The following NRXN3 variants were observed in gnomAD, a reference collection of about 807,000 sequenced individuals.
NRXN3 encodes neurexin III.
A neutral mutation model predicts 137.6 loss-of-function variants in NRXN3; 32 were observed. The observed-to-expected ratio is 0.23, with a 90% CI of 0.18 to 0.31. The LOEUF (loss-of-function observed/expected upper bound fraction) is 0.31, where lower values mean the gene tolerates loss of function less well. NRXN3 is among the 10% of genes least tolerant of loss of function. The pLI is 1.00. For missense variants in NRXN3, 1,574 were observed against 2,062.5 expected, an observed-to-expected ratio of 0.76 and a Z score of 4.59; for synonymous variants, 798 against 784.5, an observed-to-expected ratio of 1.02 and a Z score of -0.29.
intron 16 of NRXN3, among the ~76,000 whole-genome samples, chr14:79,497,039 A>G (rs561756292): frequency 2.4e-4 from 36 of 152,354 alleles, no homozygotes; most frequent in South Asian, 1.7e-3. Context: ...GGAAGACTAC[A>G]GTAACTTTTC....
chr14:78,333,845 T>C (rs214001), intron 4 of NRXN3, among the ~76,000 whole-genome samples: 1,575 of 151,938 alleles, frequency 0.01, 27 homozygotes, highest in African/African-American at 0.036. Context: ...ATTTTAATAG[T>C]ATCCCTCTGG....
At chr14:79,294,876 A>T (rs1412181599) in intron 15 of NRXN3, among the ~76,000 whole-genome samples, 1 of 152,010 alleles carries the variant, frequency 6.6e-6, no homozygotes, top group African/African-American at 2.4e-5. Flanking sequence ...TGATACTTAG[A>T]TCTATCCTTT....
intron 15 of NRXN3, among the ~76,000 whole-genome samples, chr14:79,006,913 T>G (rs1444845401): frequency 6.6e-6 from 1 of 152,194 alleles, no homozygotes; most frequent in African/African-American, 2.4e-5. Context: ...TCTAGCTAAA[T>G]GAAGTACTAC....
intron 15 of NRXN3, among the ~76,000 whole-genome samples, chr14:79,454,479 G>C (rs963907115): frequency 6.6e-6 from 1 of 152,150 alleles, no homozygotes; most frequent in Non-Finnish European, 1.5e-5. Flanking sequence ...GCCTCCCAAA[G>C]TGCTGGGAAT....
intron 15 of NRXN3, among the ~76,000 whole-genome samples, chr14:79,296,820 T>C (rs766083671): frequency 3.9e-5 from 6 of 152,190 alleles, no homozygotes; most frequent in Non-Finnish European, 8.8e-5. Flanking sequence ...AGCAAATAAA[T>C]AAATAAATTA....
chr14:78,882,117 T>G (rs1427695175), intron 10 of NRXN3, among the ~76,000 whole-genome samples: 2 of 151,904 alleles, frequency 1.3e-5, no homozygotes, highest in Non-Finnish European at 2.9e-5. Flanking sequence ...GAATTGAGTT[T>G]GGTGAACTTC....
At chr14:78,623,792 T>C (rs576658083) in intron 4 of NRXN3, among the ~76,000 whole-genome samples, 2 of 152,248 alleles carry the variant, frequency 1.3e-5, no homozygotes, top group Admixed American at 6.5e-5. Flanking sequence ...GGTCTAAAAC[T>C]CCTGACCTCA....
At chr14:78,382,045 A>C (rs975592339) in intron 4 of NRXN3, among the ~76,000 whole-genome samples, 1 of 152,146 alleles carries the variant, frequency 6.6e-6, no homozygotes, top group Admixed American at 6.5e-5. Context: ...ATATTGTACT[A>C]TAGGTTTCAC....
intron 4 of NRXN3, among the ~76,000 whole-genome samples, chr14:78,480,937 C>A (rs2095462314): frequency 6.6e-6 from 1 of 152,158 alleles, no homozygotes; most frequent in Non-Finnish European, 1.5e-5. Context: ...AGTCCATGTT[C>A]CATCTTTCCT....
chr14:79,770,358 G>A (rs2099073166), intron 19 of NRXN3, among the ~76,000 whole-genome samples: 1 of 150,226 alleles, frequency 6.7e-6, no homozygotes, highest in Admixed American at 6.7e-5. Flanking sequence ...TTCCAAAATT[G>A]ACCACATACT....
In NRXN3 at chr14:78,604,458, G is replaced by T. The variant is rs117346379; in HGVS notation, c.758-40662G>T. Among the ~76,000 whole-genome samples, 1,093 of 152,194 alleles carry T rather than the reference G, an allele frequency of 7.2e-3. 5 individuals carry two copies. Among genetic ancestry groups the T allele is most frequent in the Admixed American group, 0.011 (165 of 15,286 alleles). On this transcript the variant is annotated intron_variant, in intron 4 of 20. Coordinates refer to ENST00000335750, the MANE Select transcript of NRXN3 (RefSeq NM_001330195.2). ...AGTGAAAAAAGAACCTCCTAACCAA[G>T]GGCTGCAGTTGAGTACTAACTACTC...
chr14:79,440,946 C>T (rs546768485), intron 15 of NRXN3, among the ~76,000 whole-genome samples: 7 of 152,132 alleles, frequency 4.6e-5, no homozygotes, highest in East Asian at 3.9e-4. Flanking sequence ...ATTTAGTATA[C>T]GGTAAGCTTG....
At position 78,975,763 on chromosome 14, in the gene NRXN3, CTT is replaced by C. The variant is rs1239961381; in HGVS notation, c.3142+7419_3142+7420del. 2.6e-5 allele frequency among the ~76,000 whole-genome samples: 4 copies of C among 152,200 alleles called. No individual in the cohort carries two copies. In the East Asian group the frequency reaches 7.7e-4, roughly 29 times the overall value. On this transcript the variant is annotated intron_variant, in intron 14 of 20. Coordinates refer to ENST00000335750, the MANE Select transcript of NRXN3 (RefSeq NM_001330195.2). Reference sequence around the variant, plus strand: ...CAAAGAGCAAGAAAGAAAGTGAACTCTTTCTCCTGTTTGCTGCACACACCCTC... The same window carrying C: ...CAAAGAGCAAGAAAGAAAGTGAACTCTCTCCTGTTTGCTGCACACACCCTC...
At chr14:78,231,948 T>A (rs531231270) in intron 1 of NRXN3, among the ~76,000 whole-genome samples, 3 of 152,388 alleles carry the variant, frequency 2.0e-5, no homozygotes, top group African/African-American at 7.2e-5. Flanking sequence ...AGCACACTGA[T>A]CTACACTGTC....
intron 4 of NRXN3, among the ~76,000 whole-genome samples, chr14:78,534,964 T>TA (rs1475705286): frequency 1.3e-5 from 2 of 152,200 alleles, no homozygotes; most frequent in Non-Finnish European, 2.9e-5. Flanking sequence ...CGCATATGTG[T>TA]ATGTACACAA....
At chr14:79,014,249 C>T (rs2099575635) in intron 15 of NRXN3, among the ~76,000 whole-genome samples, 1 of 152,168 alleles carries the variant, frequency 6.6e-6, no homozygotes, top group Non-Finnish European at 1.5e-5. Flanking sequence ...CAATCCTCAC[C>T]CTCCTCCCAA....
chr14:78,570,612 T>A (rs2096880363), intron 4 of NRXN3, among the ~76,000 whole-genome samples: 1 of 152,144 alleles, frequency 6.6e-6, no homozygotes, highest in Admixed American at 6.5e-5. Context: ...CCCCAGGAAG[T>A]ATTCTATCTC....
chr14:78,346,722 C>T (rs530419092), intron 4 of NRXN3, among the ~76,000 whole-genome samples: 1 of 152,292 alleles, frequency 6.6e-6, no homozygotes, highest in South Asian at 2.1e-4. Flanking sequence ...ACCACCTAAC[C>T]CACCATGCCT....
chr14:78,549,251 GT>G (rs2096664209), intron 4 of NRXN3, among the ~76,000 whole-genome samples: 1 of 152,174 alleles, frequency 6.6e-6, no homozygotes, highest in Non-Finnish European at 1.5e-5. Context: ...TCAGGACCAT[GT>G]TTTGCACCTA....
Sources: allele counts gnomAD v4.1 joint callset (sites outside exome capture counted in the v4.1 genomes callset), GRCh38; gene constraint gnomAD v4.1.1; transcripts MANE v1.5; gene names NCBI Gene and HGNC (gene_info 2026-07-23, HGNC 2026-07-21).